The following PCTP variants were observed in gnomAD, a reference collection of about 807,000 sequenced individuals.
PCTP encodes the protein START domain-containing protein 2.
In PCTP, 27 loss-of-function variants were observed where a neutral mutation model predicts 31.0. The ratio of observed to expected loss-of-function variants is 0.87; its 90% CI spans 0.64 to 1.20. The LOEUF (loss-of-function observed/expected upper bound fraction) is 1.20, where lower values mean the gene tolerates loss of function less well. Among genes scored for constraint, PCTP ranks in the 50% most tolerant of loss-of-function variants. The pLI is 0.00. For missense variants in PCTP, 287 were observed against 268.2 expected (o/e 1.07, Z -0.49); for synonymous variants, 108 against 101.2 (o/e 1.07, Z -0.40).
downstream of PCTP, among the ~76,000 whole-genome samples, chr17:55,827,864 G>C (rs1240245396): frequency 6.6e-6 from 1 of 152,148 alleles, no homozygotes; most frequent in Non-Finnish European, 1.5e-5. Flanking sequence ...AGGAATTGGG[G>C]CTTAGCTTAT....
downstream of PCTP, among the ~76,000 whole-genome samples, chr17:55,824,042 C>A (rs1905315068): frequency 1.3e-5 from 2 of 152,160 alleles, no homozygotes; most frequent in Admixed American, 6.5e-5. Flanking sequence ...GTATTCATGA[C>A]CATAGGGGAC....
At chr17:55,844,701 A>G (rs1449388165), downstream of PCTP, among the ~76,000 whole-genome samples, 1 of 152,142 alleles carries the variant, frequency 6.6e-6, no homozygotes, top group Non-Finnish European at 1.5e-5. Context: ...ATAATTATGG[A>G]AAACTTGCTG....
downstream of PCTP, among the ~76,000 whole-genome samples, chr17:55,827,245 A>G (rs903783395): frequency 3.3e-5 from 5 of 151,976 alleles, no homozygotes; most frequent in African/African-American, 1.2e-4. Context: ...TGCTTCTGCC[A>G]CTCATTTAGA....
At position 55,798,264 on chromosome 17, in the gene PCTP, G is replaced by A. The variant is rs189516270; in HGVS notation, c.317+10610G>A. ...AAATGTCTAAACTGCAATCTCATAA[G>A]AGTGAAGAGGGATAATATAGCAGAA... On this transcript the variant is annotated intron_variant, in intron 3 of 3. Coordinates refer to the PCTP transcript ENST00000572536. 2.1e-3 allele frequency among the ~76,000 whole-genome samples: 320 copies of A among 152,078 alleles called. 6 individuals are homozygous for A. Among genetic ancestry groups the A allele is most frequent in the East Asian group, 2.1e-3 (11 of 5,186 alleles).
intron 1 of PCTP, among the ~76,000 whole-genome samples, chr17:55,764,506 A>G (rs1008115453): frequency 6.6e-6 from 1 of 152,214 alleles, no homozygotes; most frequent in African/African-American, 2.4e-5. Flanking sequence ...AGGGGTTCAG[A>G]TAGACTAGTT....
Position 55,773,725 on chromosome 17 carries a change from A to T in PCTP, c.341A>T (p.Tyr114Phe), listed in dbSNP as rs567847776. The change falls in exon 4 of 6, where the codon TAT becomes TTT. Residue 114 changes from tyrosine to phenylalanine, a missense_variant and splice_region_variant. Transcript: ENST00000268896. ...KYPFPMSNRD[Y>F]VYLRQRRDLD... ...GTCTTGCCTTAACTGGCTATGCAGT[A>T]TGTCTACCTTCGGCAGCGGCGAGAC... 1.9e-6 allele frequency: 3 copies of T among 1,609,890 alleles called. No homozygotes were observed. Among genetic ancestry groups the T allele is most frequent in the East Asian group, 4.5e-5 (2 of 44,748 alleles).
chr17:55,751,519 T>G, intron 1 of PCTP: 1 of 1,488,178 alleles, frequency 6.7e-7, no homozygotes, highest in Middle Eastern at 1.7e-4. Flanking sequence ...TAATGACAGT[T>G]GAAACGTGGG....
chr17:55,821,139 A>G (rs1268008773), intron 3 of PCTP, among the ~76,000 whole-genome samples: 1 of 152,262 alleles, frequency 6.6e-6, no homozygotes. Flanking sequence ...TAATGGAAAT[A>G]GTCCAAATTT....
At chr17:55,762,817 G>A (rs941114166) in intron 1 of PCTP, among the ~76,000 whole-genome samples, 2 of 151,772 alleles carry the variant, frequency 1.3e-5, no homozygotes, top group South Asian at 2.1e-4. Flanking sequence ...GGAGACCAGG[G>A]AAGTTATTGG....
rs868755269 is a variant in PCTP at position 55,838,218 on chromosome 17, C to T, written n.506-4509C>T. ...ACATCTTGTAACAACTTTCTTTGCTCGTAAGCTTCAGACAGAATTCCTTAA... is the reference window on the plus strand; with the variant it reads ...ACATCTTGTAACAACTTTCTTTGCTTGTAAGCTTCAGACAGAATTCCTTAA... On this transcript the variant is annotated intron_variant and non_coding_transcript_variant, in intron 5 of 5. Transcript: ENST00000576221. Among the ~76,000 whole-genome samples, 4 of 152,212 alleles carry T rather than the reference C, an allele frequency of 2.6e-5. No homozygotes were observed. The Middle Eastern group carries it at 0.014, about 518-fold the overall frequency.
chr17:55,795,633 G>T (rs938487220), intron 3 of PCTP, among the ~76,000 whole-genome samples: 1 of 152,024 alleles, frequency 6.6e-6, no homozygotes, highest in African/African-American at 2.4e-5. Flanking sequence ...CTTGATTCCT[G>T]TTGCTTTAAA....
downstream of PCTP, among the ~76,000 whole-genome samples, chr17:55,824,372 A>G (rs1905329484): frequency 6.6e-6 from 1 of 152,154 alleles, no homozygotes. Flanking sequence ...GTACAGCCCC[A>G]AAGACAGTAG....
Position 55,776,743 on chromosome 17 carries a change from T to G in PCTP, c.*643T>G. The stretch of plus-strand genomic sequence containing the variant: ...AGTAGCTGTTATGATGCCAGACCAT[T>G]TGGAGAAGTATCAGAGGCCTGACCG... On this transcript the variant is annotated 3_prime_UTR_variant, in exon 6 of 6. Transcript: ENST00000268896. 1.7e-6 allele frequency: 2 copies of G among 1,169,136 alleles called. No homozygotes were observed. Among genetic ancestry groups the G allele is most frequent in the Non-Finnish European group, 2.1e-6 (2 of 948,254 alleles). The allele number at this position is 1,169,136 out of a possible 1,614,324, so 72.4% of individuals were successfully genotyped here. A position where few individuals can be genotyped will look rare whatever the true frequency, so the allele number is the denominator to read the frequency against.
chr17:55,769,922 C>T (rs1489350738), intron 2 of PCTP: 2 of 152,210 alleles, frequency 1.3e-5, no homozygotes, highest in Non-Finnish European at 2.9e-5. Context: ...AGATGTCCAC[C>T]TCTCCCTTTC....
At chr17:55,825,855 A>C (rs1265848919), downstream of PCTP, among the ~76,000 whole-genome samples, 1 of 152,182 alleles carries the variant, frequency 6.6e-6, no homozygotes, top group Non-Finnish European at 1.5e-5. Flanking sequence ...TGACTGCGCT[A>C]ATTCCAATCC....
At chr17:55,781,203 A>G (rs62078570), downstream of PCTP, among the ~76,000 whole-genome samples, 32,364 of 152,128 alleles carry the variant, frequency 0.21, 4,056 homozygotes, top group African/African-American at 0.36. Context: ...ATTTAATGTG[A>G]TCAATAAATG....
intron 5 of PCTP, 51 bp from the exon 6 acceptor site, chr17:55,775,984 A>C (rs766814488): frequency 1.2e-6 from 2 of 1,606,364 alleles, no homozygotes; most frequent in African/African-American, 1.3e-5. Context: ...CCAAAGAATC[A>C]AGAGTGACCA....
intron 3 of PCTP, among the ~76,000 whole-genome samples, chr17:55,820,017 C>G (rs543590658): frequency 2.0e-5 from 3 of 152,074 alleles, no homozygotes; most frequent in Admixed American, 6.5e-5. Flanking sequence ...TAAAAATTAA[C>G]TCAAAATAGA....
At chr17:55,809,045 T>A (rs1017512409) in intron 3 of PCTP, among the ~76,000 whole-genome samples, 24 of 152,200 alleles carry the variant, frequency 1.6e-4, no homozygotes, top group African/African-American at 3.1e-4. Context: ...ACATCAGTAG[T>A]CTTCTCCAAC....
Sources: allele counts gnomAD v4.1 joint callset (sites outside exome capture counted in the v4.1 genomes callset), GRCh38; gene constraint gnomAD v4.1.1; transcripts MANE v1.5; gene names NCBI Gene and HGNC (gene_info 2026-07-23, HGNC 2026-07-21).